TMEM266: variants seen among roughly 807,000 people sequenced by gnomAD.
TMEM266 encodes transmembrane protein 266.
A neutral mutation model predicts 50.5 loss-of-function variants in TMEM266; 33 were observed. That is an observed-to-expected ratio of 0.65 (90% confidence interval 0.50 to 0.87). The LOEUF is 0.87. Among genes scored for constraint, TMEM266 ranks in the 40% least tolerant of loss-of-function variants. The probability of loss-of-function intolerance (pLI) is 0.00; values close to 1 mark genes in which losing one functional copy is unlikely to be tolerated. For missense variants in TMEM266, 655 were observed against 695.1 expected (o/e 0.94, Z 0.65); for synonymous variants, 310 against 292.3 (o/e 1.06, Z -0.62).
intron 1 of TMEM266, among the ~76,000 whole-genome samples, chr15:76,085,852 G>A (rs571294703): frequency 1.3e-5 from 2 of 152,234 alleles, no homozygotes; most frequent in South Asian, 4.1e-4. Context: ...TTTGAGACCA[G>A]TCTGGCCAAC....
At chr15:76,084,607 T>TC (rs200700094) in intron 1 of TMEM266, among the ~76,000 whole-genome samples, 2 of 151,688 alleles carry the variant, frequency 1.3e-5, no homozygotes, top group East Asian at 3.9e-4. Context: ...GGTTTTTTTT[T>TC]TTTTGTTTTT....
chr15:76,198,154 C>T (rs1781930381), intron 9 of TMEM266, among the ~76,000 whole-genome samples: 1 of 152,188 alleles, frequency 6.6e-6, no homozygotes, highest in Non-Finnish European at 1.5e-5. Context: ...CATTTGCTAT[C>T]CCCATTTTAT....
At chr15:76,177,940 G>C (rs2038319370) in intron 8 of TMEM266, among the ~76,000 whole-genome samples, 1 of 152,216 alleles carries the variant, frequency 6.6e-6, no homozygotes, top group South Asian at 2.1e-4. Context: ...GGCCAGGATG[G>C]GGAAGGCTTT....
In TMEM266 at chr15:76,137,768, A is replaced by G. The variant is rs1251305530; in HGVS notation, c.100A>G (p.Thr34Ala). ...CATCTCCCAACAAGTAGACGAAGAA[A>G]CCAAGAGCATTGCTCCTGTGCAGCT... is the stretch of plus-strand genomic sequence containing the variant. Residue 34 changes from threonine to alanine, a missense_variant, in exon 3 of 11, where the codon ACC becomes GCC. Coordinates refer to ENST00000388942, the MANE Select transcript of TMEM266 (RefSeq NM_152335.3). 7 of 1,614,196 alleles carry G rather than the reference A, an allele frequency of 4.3e-6. No individual in the cohort carries two copies. Among genetic ancestry groups the G allele is most frequent in the South Asian group, 1.1e-5 (1 of 91,078 alleles).
chr15:76,203,288 C>A (rs183364815), intron 10 of TMEM266, among the ~76,000 whole-genome samples: 1 of 152,260 alleles, frequency 6.6e-6, no homozygotes, highest in Admixed American at 6.5e-5. Flanking sequence ...GCAGCTGTGG[C>A]AAATAACCCT....
intron 8 of TMEM266, among the ~76,000 whole-genome samples, chr15:76,182,586 G>C (rs2038432143): frequency 6.6e-6 from 1 of 152,156 alleles, no homozygotes; most frequent in African/African-American, 2.4e-5. Flanking sequence ...AGAGCTTAAA[G>C]TGAGCCGAGA....
chr15:76,071,448 G>A (rs904827072), intron 1 of TMEM266, among the ~76,000 whole-genome samples: 7 of 152,172 alleles, frequency 4.6e-5, no homozygotes, highest in African/African-American at 1.7e-4. Context: ...GGGAAAGTAC[G>A]ATCATTTGTC....
intron 1 of TMEM266, among the ~76,000 whole-genome samples, chr15:76,082,199 A>T (rs1213020933): frequency 6.6e-6 from 1 of 152,214 alleles, no homozygotes. Flanking sequence ...GAACACTTCT[A>T]AACTTTATTA....
At chr15:76,203,492 G>T (rs2038783225) in intron 10 of TMEM266, among the ~76,000 whole-genome samples, 1 of 152,124 alleles carries the variant, frequency 6.6e-6, no homozygotes. Context: ...ACTTCTCATG[G>T]GTAACTGGCC....
chr15:76,095,707 A>G (rs1021703020), intron 1 of TMEM266, among the ~76,000 whole-genome samples: 2 of 151,802 alleles, frequency 1.3e-5, no homozygotes, highest in Non-Finnish European at 2.9e-5. Flanking sequence ...TCCTCCTTGT[A>G]CCTCTGGTAG....
Position 76,204,789 on chromosome 15 carries a change from T to TGTC in TMEM266, c.*475_*477dup, listed in dbSNP as rs1189426603. 6.5e-6 allele frequency: 1 copy of TGTC among 154,754 alleles called. No individual in the cohort carries two copies. The highest frequency in any genetic ancestry group is 1.4e-5 in the Non-Finnish European group (1 of 69,588). The allele number at this position is 154,754 out of a possible 1,614,324, so 9.6% of individuals were successfully genotyped here. A position where few individuals can be genotyped will look rare whatever the true frequency, so the allele number is the denominator to read the frequency against. On this transcript the variant is annotated 3_prime_UTR_variant, in exon 11 of 11. Transcript: ENST00000388942. ...GACCACCATCTGAGCCTATGTCATT[T>TGTC]GTCCTCATTCTCATTCCAGCATGAG...
intron 1 of TMEM266, among the ~76,000 whole-genome samples, chr15:76,088,196 A>G (rs1185567226): frequency 2.0e-5 from 3 of 152,200 alleles, no homozygotes; most frequent in Non-Finnish European, 2.9e-5. Context: ...GATGATACCA[A>G]TATGTAAAAC....
rs1161613974 is a variant in TMEM266, at chr15:76,204,285, G to A, written c.1566G>A (p.Glu522=). Residue 522 remains glutamate (E), a synonymous_variant, in exon 11 of 11, where the codon GAG becomes GAA. Transcript: ENST00000388942. The part of the protein sequence containing the change: ...SKEQKLHRVP[E]A ...AGTTCAGATCTTTGGAATCCAAAGAGCAAAAGCTGCACAGGGTCCCTGAGG... is the reference window on the plus strand; with the variant it reads ...AGTTCAGATCTTTGGAATCCAAAGAACAAAAGCTGCACAGGGTCCCTGAGG... 4.3e-6 allele frequency: 7 copies of A among 1,611,588 alleles called. 1 individual carries two copies. In the South Asian group the frequency reaches 4.4e-5, roughly 10 times the overall value.
chr15:76,146,433 C>T (rs1012529751), intron 3 of TMEM266, among the ~76,000 whole-genome samples: 5 of 152,134 alleles, frequency 3.3e-5, no homozygotes, highest in Non-Finnish European at 7.4e-5. Flanking sequence ...CCTGAGAGGT[C>T]AGCGCTGGAC....
chr15:76,109,962 G>A (rs1008763345), intron 1 of TMEM266, among the ~76,000 whole-genome samples: 9 of 151,118 alleles, frequency 6.0e-5, no homozygotes, highest in East Asian at 1.9e-4. Context: ...GCCTGGCCAG[G>A]TTTTTCTGTT....
In TMEM266 at chr15:76,093,687, A is replaced by T. The variant is rs1466613657; in HGVS notation, c.-97+33671A>T. On this transcript the variant is annotated intron_variant, in intron 1 of 10. Transcript: ENST00000388942. ...AGTTCTAGATCCTTGAGGAATCACC[A>T]CACTGTCTTCCACAATGGTTGAACT... Among the ~76,000 whole-genome samples, 4 of 152,154 alleles carry T rather than the reference A, an allele frequency of 2.6e-5. 1 individual carries two copies. The East Asian group carries it at 7.7e-4, about 29-fold the overall frequency.
At chr15:76,191,720 T>A in intron 8 of TMEM266, 1 of 445,494 alleles carries the variant, frequency 2.2e-6, no homozygotes, top group Non-Finnish European at 4.0e-6. Flanking sequence ...CGGGCATCCG[T>A]GAGATGGGGG....
intron 9 of TMEM266, among the ~76,000 whole-genome samples, chr15:76,197,420 A>G (rs2038671784): frequency 6.6e-6 from 1 of 152,236 alleles, no homozygotes; most frequent in Non-Finnish European, 1.5e-5. Context: ...GTGGTCACAC[A>G]GGGCCCTAAC....
At chr15:76,147,984 A>T (rs949220913) in intron 3 of TMEM266, among the ~76,000 whole-genome samples, 9 of 152,378 alleles carry the variant, frequency 5.9e-5, no homozygotes, top group East Asian at 3.9e-4. Flanking sequence ...AAATAAATTT[A>T]AAAAAGGAAA....
Sources: allele counts gnomAD v4.1 joint callset (sites outside exome capture counted in the v4.1 genomes callset), GRCh38; gene constraint gnomAD v4.1.1; transcripts MANE v1.5; gene names NCBI Gene and HGNC (gene_info 2026-07-23, HGNC 2026-07-21).